Variants in SMYD3 observed in about 807,000 individuals in gnomAD.
SMYD3 encodes SET and MYND domain containing 3, also known as histone-lysine N-methyltransferase SMYD3.
SMYD3 carries 36 observed loss-of-function variants against 57.7 expected under a neutral mutation model. The ratio of observed to expected loss-of-function variants is 0.62; its 90% CI spans 0.48 to 0.82. The LOEUF (loss-of-function observed/expected upper bound fraction) is 0.82, where lower values mean the gene tolerates loss of function less well. SMYD3 is among the 40% of genes least tolerant of loss of function. The pLI, the probability that SMYD3 is intolerant of heterozygous loss-of-function variation, is 0.00. For missense variants in SMYD3, 515 were observed against 538.8 expected (o/e 0.96, Z 0.44); for synonymous variants, 211 against 195.0 (o/e 1.08, Z -0.68).
At chr1:246,252,435 C>T (rs1478474250) in intron 5 of SMYD3, among the ~76,000 whole-genome samples, 2 of 152,124 alleles carry the variant, frequency 1.3e-5, no homozygotes, top group Admixed American at 6.5e-5. Flanking sequence ...CTAAAGCACA[C>T]GGAGATGAGT....
In SMYD3 at chr1:246,328,862, C is replaced by T. The variant is rs546699000; in HGVS notation, c.395-1525G>A. 8.8e-4 allele frequency among the ~76,000 whole-genome samples: 134 copies of T among 151,810 alleles called. 2 individuals carry two copies. The highest frequency in any genetic ancestry group is 3.0e-3 in the African/African-American group (125 of 41,328). On this transcript the variant is annotated intron_variant, in intron 4 of 11. Transcript: ENST00000490107. Reference sequence around the variant, plus strand: ...CCACTCCCCCCACCCCACAACAGTCCCCAGAGTGTGCTGTTCCCCTTCCTG... The same window carrying T: ...CCACTCCCCCCACCCCACAACAGTCTCCAGAGTGTGCTGTTCCCCTTCCTG...
At chr1:246,129,707 G>A (rs1216132620) in intron 5 of SMYD3, among the ~76,000 whole-genome samples, 1 of 151,880 alleles carries the variant, frequency 6.6e-6, no homozygotes, top group Non-Finnish European at 1.5e-5. Context: ...CTGCCATGGA[G>A]AGGACTCGTC....
chr1:246,138,409 T>C (rs116639684), intron 5 of SMYD3, among the ~76,000 whole-genome samples: 4,849 of 151,958 alleles, frequency 0.032, 151 homozygotes, highest in South Asian at 0.093. Flanking sequence ...CTATAAACTA[T>C]TTTAAAAATT....
chr1:246,454,102 T>C (rs567913584), intron 1 of SMYD3, among the ~76,000 whole-genome samples: 2 of 152,188 alleles, frequency 1.3e-5, no homozygotes, highest in East Asian at 3.9e-4. Flanking sequence ...CCCTAAAAAG[T>C]AAGGATCATT....
At chr1:245,797,828 C>CAAAAAAAAAAAAAAACA (rs2047610041) in intron 10 of SMYD3, among the ~76,000 whole-genome samples, 1 of 109,434 alleles carries the variant, frequency 9.1e-6, no homozygotes, top group Non-Finnish European at 1.7e-5. Context: ...TTCCGGGTTC[C>CAAAAAAAAAAAAAAACA]AAAAAAAAAA....
At chr1:245,875,739 C>G (rs1161870536) in intron 8 of SMYD3, among the ~76,000 whole-genome samples, 2 of 152,332 alleles carry the variant, frequency 1.3e-5, no homozygotes, top group African/African-American at 4.8e-5. Context: ...CATTTTGGGT[C>G]ATACTCATTG....
intron 1 of SMYD3, among the ~76,000 whole-genome samples, chr1:246,419,788 G>A (rs978399123): frequency 6.6e-6 from 1 of 152,202 alleles, no homozygotes; most frequent in African/African-American, 2.4e-5. Flanking sequence ...ATCCAAGGTG[G>A]AATAGTTTCA....
At chr1:246,207,447 A>G (rs546641651) in intron 5 of SMYD3, among the ~76,000 whole-genome samples, 1 of 152,276 alleles carries the variant, frequency 6.6e-6, no homozygotes, top group South Asian at 2.1e-4. Flanking sequence ...GGTACGTGTC[A>G]TCTTATTTCC....
intron 1 of SMYD3, among the ~76,000 whole-genome samples, chr1:246,391,096 C>G (rs1451354214): frequency 4.0e-5 from 6 of 151,772 alleles, no homozygotes; most frequent in African/African-American, 1.5e-4. Context: ...GTTTTAAAAG[C>G]AAGCTTCAGC....
chr1:246,291,958 C>T (rs984794804), intron 5 of SMYD3, among the ~76,000 whole-genome samples: 2 of 152,118 alleles, frequency 1.3e-5, no homozygotes, highest in African/African-American at 4.8e-5. Context: ...CTATCCAACA[C>T]ACCAGCATCT....
chr1:246,504,713 G>A (rs991009056), intron 1 of SMYD3, among the ~76,000 whole-genome samples: 1 of 152,118 alleles, frequency 6.6e-6, no homozygotes, highest in Non-Finnish European at 1.5e-5. Context: ...GCAGTTAGGA[G>A]GAAAATTCTG....
chr1:246,466,473 G>C (rs1416869484), intron 1 of SMYD3, among the ~76,000 whole-genome samples: 1 of 152,172 alleles, frequency 6.6e-6, no homozygotes, highest in East Asian at 1.9e-4. Context: ...GGAGCTAAAT[G>C]ATGAGAACAC....
rs538191249 is a variant in SMYD3, at chr1:246,461,249, A to C, written c.164+45805T>G. ...GCTGTCCATCTTTATCAGATAGTGG[A>C]AATTATCTGAAATTAGTGGAAATTA... On this transcript the variant is annotated intron_variant, in intron 1 of 11. Coordinates refer to ENST00000490107, the MANE Select transcript of SMYD3 (RefSeq NM_001167740.2). Among the ~76,000 whole-genome samples the C allele has an allele frequency of 1.7e-4, 26 of 152,306 alleles. No individual in the cohort carries two copies. The South Asian group carries it at 5.4e-3, about 32-fold the overall frequency.
chr1:246,320,553 T>C (rs2148649673), intron 5 of SMYD3, among the ~76,000 whole-genome samples: 1 of 152,334 alleles, frequency 6.6e-6, no homozygotes, highest in South Asian at 2.1e-4. Context: ...ACTTTTATTC[T>C]TGTTGCCGCC....
chr1:246,402,377 A>ATTTTTTTTTTTTTT, intron 1 of SMYD3, among the ~76,000 whole-genome samples: 3 of 151,338 alleles, frequency 2.0e-5, no homozygotes, highest in Non-Finnish European at 4.4e-5. Context: ...TAACAACGCC[A>ATTTTTTTTTTTTTT]TCTTAAAGAT....
chr1:245,880,994 A>G (rs1004092372), intron 8 of SMYD3, among the ~76,000 whole-genome samples: 1 of 105,752 alleles, frequency 9.5e-6, no homozygotes, highest in Non-Finnish European at 2.6e-5. Context: ...TGTCCAGGAG[A>G]TACTTGCCCT....
chr1:246,274,436 C>T (rs1366463055), intron 5 of SMYD3, among the ~76,000 whole-genome samples: 13 of 152,292 alleles, frequency 8.5e-5, no homozygotes, highest in Non-Finnish European at 7.4e-5. Flanking sequence ...ACATTCAACC[C>T]AGTGTTTTAT....
chr1:246,500,725 G>A (rs1251966961), intron 1 of SMYD3, among the ~76,000 whole-genome samples: 1 of 152,120 alleles, frequency 6.6e-6, no homozygotes, highest in Non-Finnish European at 1.5e-5. Context: ...CTCTGTTCTT[G>A]AGCCTTTTGA....
intron 1 of SMYD3, among the ~76,000 whole-genome samples, chr1:246,491,920 G>A (rs1011475502): frequency 6.6e-6 from 1 of 152,206 alleles, no homozygotes; most frequent in Non-Finnish European, 1.5e-5. Context: ...AATCATGTCT[G>A]AACGCAACTC....
Sources: gnomAD v4.1 joint callset for allele counts (sites outside exome capture counted in the v4.1 genomes callset) on GRCh38, gnomAD v4.1.1 for gene constraint, MANE v1.5 for transcripts, NCBI Gene and HGNC (gene_info 2026-07-23, HGNC 2026-07-21) for gene names.